The following TLE1 variants were observed in gnomAD, a reference collection of about 807,000 sequenced individuals.
TLE1 encodes transducin-like enhancer protein 1.
In TLE1, 21 loss-of-function variants were observed where a neutral mutation model predicts 89.8. The observed-to-expected ratio is 0.23, with a 90% CI of 0.17 to 0.34. The LOEUF is 0.34. Ranked by LOEUF, TLE1 falls within the 10% of genes least tolerant of loss-of-function variation. The pLI is 1.00. For synonymous variants in TLE1, 447 were observed against 407.6 expected, an observed-to-expected ratio of 1.10 and a Z score of -1.16; for missense variants, 795 against 1,031.2, an observed-to-expected ratio of 0.77 and a Z score of 3.14.
chr9:81,587,225 G>A (rs1003286917), intron 17 of TLE1, among the ~76,000 whole-genome samples: 12 of 152,066 alleles, frequency 7.9e-5, no homozygotes, highest in Non-Finnish European at 8.8e-5. Flanking sequence ...TCTCTGGTGC[G>A]GGGTAAATAA....
chr9:81,629,682 C>T (rs965593259), intron 8 of TLE1, among the ~76,000 whole-genome samples: 2 of 152,204 alleles, frequency 1.3e-5, no homozygotes, highest in African/African-American at 4.8e-5. Flanking sequence ...CTACTACACA[C>T]CTAGGCTACT....
At chr9:81,636,205 C>T (rs997733810) in intron 6 of TLE1, among the ~76,000 whole-genome samples, 1 of 152,056 alleles carries the variant, frequency 6.6e-6, no homozygotes, top group African/African-American at 2.4e-5. Context: ...ATAAAATCAC[C>T]TTCCTGTCAT....
intron 6 of TLE1, among the ~76,000 whole-genome samples, chr9:81,644,133 G>T (rs1043101640): frequency 6.6e-6 from 1 of 152,146 alleles, no homozygotes; most frequent in Non-Finnish European, 1.5e-5. Context: ...ATTCTCGTAC[G>T]CTATTGTGGG....
In TLE1 at chr9:81,688,254, G is replaced by A. The variant is rs772994167; in HGVS notation, c.-14C>T. 59 of 1,578,808 alleles carry A rather than the reference G, an allele frequency of 3.7e-5. No homozygotes were observed. The highest frequency in any genetic ancestry group is 7.5e-5 in the East Asian group (3 of 40,122). ...CTGCGGGAACATCGCTCTGGCGGCGGCCGGGGCTCTGTTCCCCGGCAACTC... is the reference window on the plus strand; with the variant it reads ...CTGCGGGAACATCGCTCTGGCGGCGACCGGGGCTCTGTTCCCCGGCAACTC... On this transcript the variant is annotated 5_prime_UTR_variant, in exon 1 of 20. Coordinates refer to ENST00000376499, the MANE Select transcript of TLE1 (RefSeq NM_005077.5).
chr9:81,685,286 C>T (rs2133171199), intron 4 of TLE1, among the ~76,000 whole-genome samples: 1 of 152,208 alleles, frequency 6.6e-6, no homozygotes, highest in South Asian at 2.1e-4. Context: ...CCCTTCTTTC[C>T]CCCCAACAGG....
chr9:81,608,949 A>G (rs1015192490), intron 14 of TLE1, among the ~76,000 whole-genome samples: 13 of 152,128 alleles, frequency 8.5e-5, no homozygotes, highest in Admixed American at 3.3e-4. Context: ...AATAATAAAA[A>G]AAAGAAAGAA....
chr9:81,661,862 A>T (rs1474281729), intron 4 of TLE1, among the ~76,000 whole-genome samples: 5 of 152,196 alleles, frequency 3.3e-5, no homozygotes, highest in African/African-American at 9.7e-5. Flanking sequence ...GGCAATTTTT[A>T]AAAAATTAAC....
chr9:81,607,247 A>G (rs2132010662), intron 14 of TLE1, among the ~76,000 whole-genome samples: 1 of 152,274 alleles, frequency 6.6e-6, no homozygotes. Flanking sequence ...ATGGCTCTGA[A>G]CACAAAGAAA....
intron 6 of TLE1, among the ~76,000 whole-genome samples, chr9:81,645,043 A>G (rs1170640694): frequency 4.1e-5 from 6 of 145,438 alleles, no homozygotes; most frequent in African/African-American, 1.0e-4. Flanking sequence ...CATGGTGTAT[A>G]TATCATATCT....
intron 4 of TLE1, among the ~76,000 whole-genome samples, chr9:81,661,210 A>G (rs1029027509): frequency 6.8e-6 from 1 of 146,818 alleles, no homozygotes; most frequent in African/African-American, 2.5e-5. Flanking sequence ...GTATTTTTAT[A>G]TATATATATA....
intron 13 of TLE1, among the ~76,000 whole-genome samples, chr9:81,610,648 T>C (rs1387149596): frequency 6.6e-6 from 1 of 152,078 alleles, no homozygotes; most frequent in Non-Finnish European, 1.5e-5. Context: ...GGCCAAACAG[T>C]TCTTTTCTTT....
At chr9:81,586,791 A>G (rs1476327807) in intron 17 of TLE1, among the ~76,000 whole-genome samples, 2 of 152,234 alleles carry the variant, frequency 1.3e-5, no homozygotes, top group Non-Finnish European at 2.9e-5. Context: ...GAAGTTTTAA[A>G]AAAAGGCAGA....
chr9:81,666,004 T>C (rs1393464282), intron 4 of TLE1, among the ~76,000 whole-genome samples: 3 of 152,138 alleles, frequency 2.0e-5, no homozygotes, highest in African/African-American at 4.8e-5. Flanking sequence ...AGCAGAGCAT[T>C]TGGGCTTTAA....
At chr9:81,675,698 G>GTTTGTTTTTTTTT (rs1554701835) in intron 4 of TLE1, among the ~76,000 whole-genome samples, 2 of 129,666 alleles carry the variant, frequency 1.5e-5, no homozygotes, top group African/African-American at 6.6e-5. Context: ...ACTCACACTA[G>GTTTGTTTTTTTTT]TTTTTTTTTG....
intron 6 of TLE1, among the ~76,000 whole-genome samples, chr9:81,645,366 CAA>C (rs59412201): frequency 8.5e-5 from 12 of 141,524 alleles, no homozygotes; most frequent in Non-Finnish European, 1.4e-4. Flanking sequence ...ACTCCGTCTC[CAA>C]AAAAAAAAAA....
rs375954684 is a variant in TLE1 at position 81,634,117 on chromosome 9, T to C, written c.557A>G (p.His186Arg). The C allele has an allele frequency of 1.6e-5, 25 of 1,609,102 alleles. No homozygotes were observed. In the African/African-American group the frequency reaches 3.2e-4, roughly 21 times the overall value. ...CTCACCTCTGTGGTGCTCTGCATCG[T>C]GGTGCTTCTTGTCATCTTTTATTGC... is the stretch of plus-strand genomic sequence containing the variant. ...HLAIKDDKKH[H>R]DAEHHRDREP... The change falls in exon 7 of 20, where the codon CAC becomes CGC. Residue 186 changes from histidine to arginine, a missense_variant. Coordinates refer to ENST00000376499, the MANE Select transcript of TLE1 (RefSeq NM_005077.5).
At chr9:81,585,690 G>A (rs781756463) in intron 17 of TLE1, 35 bp from the exon 18 acceptor site, 35 of 1,606,218 alleles carry the variant, frequency 2.2e-5, no homozygotes, top group Non-Finnish European at 2.7e-5. Flanking sequence ...TCATTATTCC[G>A]CCTGATACAC....
intron 6 of TLE1, among the ~76,000 whole-genome samples, chr9:81,651,386 AC>A (rs1469201881): frequency 1.3e-5 from 2 of 152,194 alleles, no homozygotes; most frequent in Non-Finnish European, 2.9e-5. Context: ...TGCACGGTTC[AC>A]CAGATTCATT....
intron 6 of TLE1, among the ~76,000 whole-genome samples, chr9:81,643,445 A>ATGACT (rs1374775583): frequency 6.6e-6 from 1 of 152,084 alleles, no homozygotes; most frequent in Non-Finnish European, 1.5e-5. Flanking sequence ...CATGTTAGTC[A>ATGACT]GGCTGGTCTG....
Sources: gnomAD v4.1 joint callset for allele counts (sites outside exome capture counted in the v4.1 genomes callset) on GRCh38, gnomAD v4.1.1 for gene constraint, MANE v1.5 for transcripts, NCBI Gene and HGNC (gene_info 2026-07-23, HGNC 2026-07-21) for gene names.